The following SIRT4 variants were observed in gnomAD, a reference collection of about 807,000 sequenced individuals.
The protein encoded by SIRT4 is sirtuin 4, also known as NAD-dependent protein lipoamidase sirtuin-4, mitochondrial.
In SIRT4, 23 loss-of-function variants were observed where a neutral mutation model predicts 26.1. That is an observed-to-expected ratio of 0.88 (90% confidence interval 0.63 to 1.25). SIRT4 has a LOEUF of 1.25. Among genes scored for constraint, SIRT4 ranks in the 50% most tolerant of loss-of-function variants. The pLI is 0.00. For missense variants in SIRT4, 361 were observed against 405.4 expected (o/e 0.89, Z 0.94); for synonymous variants, 155 against 158.4 (o/e 0.98, Z 0.16).
upstream of SIRT4, among the ~76,000 whole-genome samples, chr12:120,298,741 T>C (rs1872428076): frequency 6.7e-6 from 1 of 148,926 alleles, no homozygotes; most frequent in South Asian, 2.1e-4. Context: ...ACCCCGTCTC[T>C]ACTAAAAATA....
rs766009438 is a variant in SIRT4 at position 120,303,685 on chromosome 12, G to T, written c.124G>T (p.Glu42Ter). 6.2e-7 allele frequency: 1 copy of T among 1,614,150 alleles called. No individual in the cohort carries two copies. The highest frequency in any genetic ancestry group is 1.1e-5 in the South Asian group (1 of 91,086). The change falls in exon 2 of 4, where the codon GAG becomes TAG. Residue 42 changes from glutamate to a stop codon, truncating the protein, a stop_gained. Coordinates refer to ENST00000202967, the MANE Select transcript of SIRT4 (RefSeq NM_012240.3). LOFTEE classifies it high-confidence loss of function. Reference protein sequence around the residue: ...FVPASPPLDPEKVKELQRFIT... With the variant: ...FVPASPPLDP ...GCCAGCAAGTCCTCCTCTGGACCCT[G>T]AGAAGGTCAAAGAGTTACAGCGCTT...
chr12:120,306,480 CAA>C (rs34919389), intron 2 of SIRT4, among the ~76,000 whole-genome samples: 3 of 137,816 alleles, frequency 2.2e-5, no homozygotes. Context: ...AAAACTCCGT[CAA>C]AAAAAAAAAC....
At chr12:120,308,214 G>C (rs1306288329) in intron 2 of SIRT4, among the ~76,000 whole-genome samples, 3 of 143,968 alleles carry the variant, frequency 2.1e-5, no homozygotes, top group Non-Finnish European at 4.5e-5. Context: ...TTGTTGCCCA[G>C]GCTGGAGTGC....
At chr12:120,302,554 T>G (rs569898335) in intron 1 of SIRT4, among the ~76,000 whole-genome samples, 176 bp downstream of exon 1, 6 of 152,208 alleles carry the variant, frequency 3.9e-5, no homozygotes, top group Non-Finnish European at 8.8e-5. Flanking sequence ...GACTGTGTGT[T>G]TGTTCAGCTG....
intron 2 of SIRT4, among the ~76,000 whole-genome samples, chr12:120,309,515 G>T (rs1872876424): frequency 6.8e-6 from 1 of 148,052 alleles, no homozygotes; most frequent in Non-Finnish European, 1.5e-5. Flanking sequence ...GGGTTCAACC[G>T]ATTCTCCTGC....
rs377064970 is a variant in SIRT4, at chr12:120,309,094, G to T, written c.498-3362G>T. Among the ~76,000 whole-genome samples the T allele has an allele frequency of 2.1e-3, 320 of 152,124 alleles. 2 individuals carry two copies. The highest frequency in any genetic ancestry group is 3.3e-3 in the Non-Finnish European group (223 of 68,002). On this transcript the variant is annotated intron_variant, in intron 2 of 3. Coordinates refer to ENST00000202967, the MANE Select transcript of SIRT4 (RefSeq NM_012240.3). ...CTCGGGAGGCTGAGGCAGGAGAATC[G>T]CTTGAACCTGGGAGGCGGAGGTTGC... is the stretch of plus-strand genomic sequence containing the variant.
intron 2 of SIRT4, among the ~76,000 whole-genome samples, chr12:120,309,514 C>A (rs1872876280): frequency 6.6e-6 from 1 of 151,126 alleles, no homozygotes; most frequent in Admixed American, 6.6e-5. Context: ...CGGGTTCAAC[C>A]GATTCTCCTG....
chr12:120,296,902 T>C, the SIRT4 span, among the ~76,000 whole-genome samples: 13,540 of 152,068 alleles, frequency 0.089, 928 homozygotes, highest in African/African-American at 0.18. Context: ...AAGGATTTAG[T>C]CATTAATTCT....
the SIRT4 span, chr12:120,293,181 C>G: frequency 6.6e-6 from 1 of 152,130 alleles, no homozygotes; most frequent in Non-Finnish European, 1.5e-5. Context: ...TTTCAATTAG[C>G]AATAATCGCG....
upstream of SIRT4, among the ~76,000 whole-genome samples, chr12:120,301,331 C>T (rs370813017): frequency 6.6e-6 from 1 of 151,272 alleles, no homozygotes; most frequent in African/African-American, 2.4e-5. Context: ...GGCAACAGAG[C>T]GAGACTCCGT....
At chr12:120,306,204 G>A (rs546713943) in intron 2 of SIRT4, among the ~76,000 whole-genome samples, 53 of 152,056 alleles carry the variant, frequency 3.5e-4, no homozygotes, top group African/African-American at 1.2e-3. Flanking sequence ...GGCTGGGCAC[G>A]GTGGCTCGCG....
Position 120,313,182 on chromosome 12 carries a change from T to A in SIRT4, c.*146T>A. The A allele has an allele frequency of 1.2e-6, 1 of 829,322 alleles. No homozygotes were observed. The highest frequency in any genetic ancestry group is 1.9e-6 in the Non-Finnish European group (1 of 527,390). The allele number at this position is 829,322 out of a possible 1,614,324, so 51.4% of individuals were successfully genotyped here. ...AAAGTATAGAAGGTTCTAGGTATCT[T>A]AATGTGTGGATATTCTTAATTAAAA... is the stretch of plus-strand genomic sequence containing the variant. On this transcript the variant is annotated 3_prime_UTR_variant, in exon 4 of 4. Coordinates refer to ENST00000202967, the MANE Select transcript of SIRT4 (RefSeq NM_012240.3).
intron 2 of SIRT4, among the ~76,000 whole-genome samples, chr12:120,308,108 T>C (rs2464296): frequency 0.086 from 13,051 of 151,422 alleles, 745 homozygotes; most frequent in Admixed American, 0.16. Flanking sequence ...CCTCCTGCCT[T>C]GATCTTCCAA....
the SIRT4 span, chr12:120,291,872 C>G: frequency 6.6e-6 from 1 of 152,150 alleles, no homozygotes; most frequent in Non-Finnish European, 1.5e-5. Context: ...GGATAAACCT[C>G]ATTGGCTACG....
chr12:120,310,193 G>A (rs930450903), intron 2 of SIRT4, among the ~76,000 whole-genome samples: 6 of 151,554 alleles, frequency 4.0e-5, no homozygotes, highest in Non-Finnish European at 7.4e-5. Context: ...ACTTTGGGAG[G>A]CCGAGGTGGG....
intron 1 of SIRT4, 72 bp from the exon 2 acceptor site, chr12:120,303,489 A>G: frequency 6.6e-7 from 1 of 1,503,792 alleles, no homozygotes. Flanking sequence ...AACAAAACGA[A>G]AACAAACAAA....
At chr12:120,303,479 A>T in intron 1 of SIRT4, 82 bp from the exon 2 acceptor site, 1 of 1,487,356 alleles carries the variant, frequency 6.7e-7, no homozygotes, top group Non-Finnish European at 9.0e-7. Flanking sequence ...TGTCTCAAAA[A>T]ACAAAACGAA....
At chr12:120,294,732 G>T in the SIRT4 span, among the ~76,000 whole-genome samples, 1 of 151,906 alleles carries the variant, frequency 6.6e-6, no homozygotes, top group Non-Finnish European at 1.5e-5. Context: ...TGCCCAGGCT[G>T]GTCTCGAACT....
Position 120,312,734 on chromosome 12 carries a change from T to A in SIRT4, c.776T>A (p.Val259Glu). The A allele has an allele frequency of 2.5e-6, 4 of 1,613,464 alleles. No individual in the cohort carries two copies. Among genetic ancestry groups the A allele is most frequent in the Non-Finnish European group, 3.4e-6 (4 of 1,179,684 alleles). Residue 259 changes from valine to glutamate, a missense_variant, in exon 3 of 4, where the codon GTG becomes GAG. By Grantham distance (121) the Val-to-Glu change is moderately radical. Transcript: ENST00000202967. ...AAAGAAGCCGACTCCCTCTTGGTGGTGGGATCATCCTTGCAGGTATCTGAC... is the reference window on the plus strand; with the variant it reads ...AAAGAAGCCGACTCCCTCTTGGTGGAGGGATCATCCTTGCAGGTATCTGAC... ...RVKEADSLLV[V>E]GSSLQVYSGY...
Sources: gnomAD v4.1 joint callset for allele counts (sites outside exome capture counted in the v4.1 genomes callset) on GRCh38, gnomAD v4.1.1 for gene constraint, MANE v1.5 for transcripts, NCBI Gene and HGNC (gene_info 2026-07-23, HGNC 2026-07-21) for gene names.